TFG: variants seen among roughly 807,000 people sequenced by gnomAD.
The protein encoded by TFG is trafficking from ER to golgi regulator, also known as protein TFG.
TFG carries 22 observed loss-of-function variants against 51.4 expected under a neutral mutation model. The observed-to-expected ratio is 0.43, with a 90% confidence interval of 0.31 to 0.61. The LOEUF (loss-of-function observed/expected upper bound fraction) is 0.61, where lower values mean the gene tolerates loss of function less well. Ranked by LOEUF, TFG falls within the 20% of genes least tolerant of loss-of-function variation. TFG has a pLI of 0.12. For synonymous variants in TFG, 187 were observed against 165.6 expected (o/e 1.13, Z -0.99); for missense variants, 419 against 487.7 (o/e 0.86, Z 1.33).
intron 2 of TFG, among the ~76,000 whole-genome samples, chr3:100,717,119 A>G (rs1026911129): frequency 6.6e-6 from 1 of 152,186 alleles, no homozygotes; most frequent in African/African-American, 2.4e-5. Flanking sequence ...CCGACCTATT[A>G]AAGAGGTTAT....
intron 3 of TFG, among the ~76,000 whole-genome samples, chr3:100,726,474 A>C (rs1362067097): frequency 1.3e-5 from 2 of 152,210 alleles, no homozygotes; most frequent in African/African-American, 4.8e-5. Context: ...CACTCTAATC[A>C]AGCTGACACC....
upstream of TFG, chr3:100,709,467 A>G (rs937303820): frequency 6.8e-6 from 1 of 148,080 alleles, no homozygotes; most frequent in African/African-American, 2.5e-5. Context: ...GCGAAAGGAC[A>G]TTTTTTTTTT....
chr3:100,734,390 A>C (rs1019405578), intron 5 of TFG, among the ~76,000 whole-genome samples: 2 of 152,062 alleles, frequency 1.3e-5, no homozygotes, highest in Admixed American at 1.3e-4. Context: ...CAGAGTGTAT[A>C]TACCTAGATC....
chr3:100,731,432 A>G (rs905069720), intron 4 of TFG, among the ~76,000 whole-genome samples: 1 of 152,162 alleles, frequency 6.6e-6, no homozygotes, highest in Non-Finnish European at 1.5e-5. Context: ...CCTGCTCATA[A>G]TATTTGACAT....
intron 4 of TFG, among the ~76,000 whole-genome samples, chr3:100,731,392 C>T (rs886941064): frequency 6.6e-6 from 1 of 152,026 alleles, no homozygotes; most frequent in African/African-American, 2.4e-5. Flanking sequence ...TCTTAGTATC[C>T]TGAGAAGAAA....
rs570804056 is a variant in TFG at position 100,722,026 on chromosome 3, C to T, written c.268+1968C>T. ...ATTAGCCAGCTGTAGTGGTGTGTGC[C>T]TGTAGTCCCAGCTACTTGAGAGGCT... On this transcript the variant is annotated intron_variant, in intron 3 of 7. Coordinates refer to ENST00000240851, the MANE Select transcript of TFG (RefSeq NM_006070.6). Among the ~76,000 whole-genome samples the T allele has an allele frequency of 3.9e-5, 6 of 152,296 alleles. No individual in the cohort carries two copies. The East Asian group carries it at 7.7e-4, about 20-fold the overall frequency.
At chr3:100,718,557 T>G (rs939797261) in intron 2 of TFG, among the ~76,000 whole-genome samples, 3,017 of 140,156 alleles carry the variant, frequency 0.022, 107 homozygotes, top group African/African-American at 0.078. Context: ...TGGTTTTTTT[T>G]TTTTTTTTTT....
intron 2 of TFG, among the ~76,000 whole-genome samples, chr3:100,715,730 T>G (rs2149060912): frequency 6.6e-6 from 1 of 152,222 alleles, no homozygotes; most frequent in East Asian, 1.9e-4. Flanking sequence ...CAGTGAATTT[T>G]TTTTTTTTTT....
At chr3:100,713,575 A>G in intron 1 of TFG, 68 bp from the exon 2 acceptor site, 1 of 646,450 alleles carries the variant, frequency 1.5e-6, no homozygotes, top group Non-Finnish European at 2.4e-6. Context: ...CTTAGCATCT[A>G]ATAGTAGCTT....
intron 4 of TFG, among the ~76,000 whole-genome samples, chr3:100,730,372 A>G (rs1303265593): frequency 6.6e-6 from 1 of 152,082 alleles, no homozygotes; most frequent in Non-Finnish European, 1.5e-5. Flanking sequence ...CTTTTTACCT[A>G]TGTTAATGTA....
chr3:100,714,321 G>A (rs993059888), intron 2 of TFG, among the ~76,000 whole-genome samples: 12 of 152,044 alleles, frequency 7.9e-5, no homozygotes, highest in Non-Finnish European at 1.6e-4. Flanking sequence ...CCAACATGGC[G>A]AAACCCTGTC....
At chr3:100,745,764 A>G (rs1012266013) in intron 7 of TFG, among the ~76,000 whole-genome samples, 2 of 152,238 alleles carry the variant, frequency 1.3e-5, no homozygotes, top group African/African-American at 2.4e-5. Flanking sequence ...TCAGTAAAGT[A>G]TAGCCCACAG....
Position 100,748,474 on chromosome 3 carries a change from G to A in TFG, c.1146G>A (p.Ala382=), listed in dbSNP as rs761808737. The change falls in exon 8 of 8, where the codon GCG becomes GCA. Residue 382 remains alanine (A), a synonymous_variant. Transcript: ENST00000240851. ...CTCCAAGTGGGCCTAATCCTTATGC[G>A]CGTAACCGTCCTCCCTTTGGTCAGG... ...TPPPSGPNPY[A]RNRPPFGQGY... The A allele has an allele frequency of 3.0e-5, 48 of 1,613,852 alleles. No homozygotes were observed. Among genetic ancestry groups the A allele is most frequent in the South Asian group, 1.5e-4 (14 of 91,072 alleles).
intron 3 of TFG, among the ~76,000 whole-genome samples, chr3:100,720,725 A>G (rs1435613995): frequency 1.3e-5 from 2 of 152,264 alleles, no homozygotes; most frequent in East Asian, 3.8e-4. Flanking sequence ...CCCGAGGGGT[A>G]CTTAAAGATT....
chr3:100,718,207 A>G (rs1413512463), intron 2 of TFG, among the ~76,000 whole-genome samples: 2 of 152,224 alleles, frequency 1.3e-5, no homozygotes, highest in Non-Finnish European at 2.9e-5. Flanking sequence ...GATTACAGGC[A>G]TGAGCCAGTG....
Position 100,748,467 on chromosome 3 carries a change from C to A in TFG, c.1139C>A (p.Pro380His), listed in dbSNP as rs2095156195. 1 of 1,614,080 alleles carries A rather than the reference C, an allele frequency of 6.2e-7. No individual in the cohort carries two copies. Among genetic ancestry groups the A allele is most frequent in the Non-Finnish European group, 8.5e-7 (1 of 1,180,000 alleles). ...TMTPPPSGPN[P>H]YARNRPPFGQ... Reference sequence around the variant, plus strand: ...ACCCCTCCTCCAAGTGGGCCTAATCCTTATGCGCGTAACCGTCCTCCCTTT... The same window carrying A: ...ACCCCTCCTCCAAGTGGGCCTAATCATTATGCGCGTAACCGTCCTCCCTTT... The change falls in exon 8 of 8, where the codon CCT becomes CAT. Residue 380 changes from proline to histidine, a missense_variant. This residue lies in a region of TFG where 391 missense variants were observed against 434.4 expected (regional missense o/e 0.90). Coordinates refer to ENST00000240851, the MANE Select transcript of TFG (RefSeq NM_006070.6).
At chr3:100,747,060 A>G (rs1164987792) in intron 7 of TFG, among the ~76,000 whole-genome samples, 1 of 152,220 alleles carries the variant, frequency 6.6e-6, no homozygotes, top group Non-Finnish European at 1.5e-5. Flanking sequence ...CACTCTGAGT[A>G]AAATTTAGTC....
chr3:100,725,622 CAAAAAAA>C (rs763163559), intron 3 of TFG, among the ~76,000 whole-genome samples: 55 of 83,480 alleles, frequency 6.6e-4, no homozygotes, highest in African/African-American at 1.9e-3. Flanking sequence ...ACCAAAAATA[CAAAAAAA>C]AAAAAAAAAA....
intron 7 of TFG, 86 bp downstream of exon 7, chr3:100,745,017 G>A: frequency 1.5e-6 from 1 of 683,278 alleles, no homozygotes; most frequent in Admixed American, 2.8e-5. Flanking sequence ...TTGATTTGTA[G>A]TACATTGATA....
Sources: gnomAD v4.1 joint callset for allele counts (sites outside exome capture counted in the v4.1 genomes callset) on GRCh38, gnomAD v4.1.1 for gene constraint, gnomAD v4.1.1 regional missense constraint, MANE v1.5 for transcripts, NCBI Gene and HGNC (gene_info 2026-07-23, HGNC 2026-07-21) for gene names.